RTF1: variants seen among roughly 807,000 people sequenced by gnomAD.
RTF1 encodes RNA polymerase-associated protein RTF1 homolog.
In RTF1, 10 loss-of-function variants were observed where a neutral mutation model predicts 95.7. That is an observed-to-expected ratio of 0.10 (90% confidence interval 0.06 to 0.18). The LOEUF is 0.18. Ranked by LOEUF, RTF1 falls within the 10% of genes least tolerant of loss-of-function variation. RTF1 has a pLI of 1.00. For missense variants in RTF1, 458 were observed against 875.6 expected (o/e 0.52, Z 6.02); for synonymous variants, 305 against 311.8 (o/e 0.98, Z 0.23).
chr15:41,463,150 T>TTAGTAG (rs1467306090), intron 4 of RTF1, among the ~76,000 whole-genome samples: 2 of 152,246 alleles, frequency 1.3e-5, no homozygotes, highest in Non-Finnish European at 2.9e-5. Context: ...TTAGCATGTA[T>TTAGTAG]TAGTACTTCA....
chr15:41,464,920 T>G, intron 5 of RTF1, 35 bp downstream of exon 5: 1 of 1,500,706 alleles, frequency 6.7e-7, no homozygotes. Context: ...GTCCAAAGAA[T>G]AAACCTGTTT....
chr15:41,436,189 C>T (rs560122789), intron 1 of RTF1, among the ~76,000 whole-genome samples: 16 of 151,316 alleles, frequency 1.1e-4, no homozygotes, highest in East Asian at 3.9e-4. Context: ...CAGTGGCTCA[C>T]GCCTGTAATC....
intron 4 of RTF1, among the ~76,000 whole-genome samples, chr15:41,460,381 C>T (rs575726069): frequency 6.6e-6 from 1 of 152,202 alleles, no homozygotes; most frequent in East Asian, 1.9e-4. Context: ...CCTCAGCCTC[C>T]CAAAGTGCTG....
chr15:41,428,428 C>G (rs1393823679), intron 1 of RTF1, among the ~76,000 whole-genome samples: 1 of 151,080 alleles, frequency 6.6e-6, no homozygotes, highest in African/African-American at 2.4e-5. Flanking sequence ...CCACTACACC[C>G]GGCTAATTTT....
intron 4 of RTF1, among the ~76,000 whole-genome samples, chr15:41,463,953 G>A (rs1269728204): frequency 6.6e-6 from 1 of 151,902 alleles, no homozygotes; most frequent in Non-Finnish European, 1.5e-5. Context: ...CTGGGTTCAA[G>A]CAATTCTTCT....
intron 1 of RTF1, among the ~76,000 whole-genome samples, chr15:41,429,120 A>G (rs2050655075): frequency 6.6e-6 from 1 of 151,820 alleles, no homozygotes; most frequent in South Asian, 2.1e-4. Flanking sequence ...GGCTCAAGGG[A>G]TCCTTCCTCC....
chr15:41,459,822 T>C (rs1365504357), intron 4 of RTF1, among the ~76,000 whole-genome samples: 1 of 152,206 alleles, frequency 6.6e-6, no homozygotes, highest in East Asian at 1.9e-4. Context: ...ATATTTTAAA[T>C]GGAAAAGTTT....
chr15:41,471,380 A>AGTATATTATAC (rs771575396), intron 8 of RTF1, 31 bp downstream of exon 8: 37 of 1,587,132 alleles, frequency 2.3e-5, no homozygotes, highest in Middle Eastern at 1.7e-4. Context: ...ACAATTGTCC[A>AGTATATTATAC]TGCTTTCAGT....
chr15:41,418,797 AAAAAG>A (rs1230757528), intron 1 of RTF1, among the ~76,000 whole-genome samples: 2 of 151,686 alleles, frequency 1.3e-5, no homozygotes, highest in Non-Finnish European at 2.9e-5. Flanking sequence ...AAAAAAAAAA[AAAAAG>A]AAAAGAAAGA....
chr15:41,439,613 T>C (rs993929404), intron 2 of RTF1, among the ~76,000 whole-genome samples: 1 of 152,194 alleles, frequency 6.6e-6, no homozygotes, highest in Admixed American at 6.5e-5. Context: ...GGGAAAGATA[T>C]TTGAAACACT....
intron 16 of RTF1, 91 bp downstream of exon 16, chr15:41,479,289 C>T (rs1489367976): frequency 2.4e-6 from 2 of 819,716 alleles, no homozygotes; most frequent in Admixed American, 2.2e-5. Flanking sequence ...TTGATTTTTC[C>T]ACCTTGAGGA....
intron 4 of RTF1, among the ~76,000 whole-genome samples, chr15:41,462,682 A>G (rs530162773): frequency 3.5e-4 from 54 of 152,170 alleles, no homozygotes; most frequent in South Asian, 1.0e-3. Context: ...ATTTCCCCAT[A>G]AGCCTCCCAG....
At chr15:41,474,790 T>G in intron 9 of RTF1, 88 bp downstream of exon 9, 2 of 950,938 alleles carry the variant, frequency 2.1e-6, no homozygotes, top group Non-Finnish European at 3.5e-6. Context: ...TGATGTTCCT[T>G]GTTACCATGA....
At chr15:41,442,185 T>G (rs2050739138) in intron 2 of RTF1, among the ~76,000 whole-genome samples, 1 of 151,396 alleles carries the variant, frequency 6.6e-6, no homozygotes, top group Non-Finnish European at 1.5e-5. Context: ...TTTTTTTTTT[T>G]GAGATGGAGT....
At chr15:41,479,594 C>G (rs1478955437) in intron 16 of RTF1, among the ~76,000 whole-genome samples, 1 of 152,176 alleles carries the variant, frequency 6.6e-6, no homozygotes, top group African/African-American at 2.4e-5. Flanking sequence ...GGCGCAGTGG[C>G]TCATGCCTGT....
At chr15:41,451,022 GTTC>G (rs1482215438) in intron 2 of RTF1, among the ~76,000 whole-genome samples, 1 of 152,030 alleles carries the variant, frequency 6.6e-6, no homozygotes, top group Non-Finnish European at 1.5e-5. Context: ...GCTGACTGTT[GTTC>G]TTAAGAATAG....
intron 1 of RTF1, among the ~76,000 whole-genome samples, chr15:41,428,832 T>C (rs929948412): frequency 6.6e-6 from 1 of 152,060 alleles, no homozygotes; most frequent in African/African-American, 2.4e-5. Context: ...CTCTGCCTCC[T>C]GGGCCCAACC....
chr15:41,436,310 A>G (rs8032691), intron 1 of RTF1, among the ~76,000 whole-genome samples: 2 of 147,678 alleles, frequency 1.4e-5, no homozygotes, highest in East Asian at 2.0e-4. Flanking sequence ...AAAAAAAAAA[A>G]TTAGCTGGGC....
Position 41,476,510 on chromosome 15 carries a change from T to C in RTF1, c.1547T>C (p.Leu516Pro). ...PPNYAMKKTQ[L>P]LKEKAMAEDL... ...AACTACGCTATGAAGAAGACTCAGC[T>C]ACTGAAGGAAAAGGTAAGGAGTTGT... The change falls in exon 12 of 18, where the codon CTA becomes CCA. Residue 516 changes from leucine (L) to proline (P), a missense_variant. Leu to Pro is a moderately conservative substitution (Grantham distance 98). Transcript: ENST00000389629. The C allele has an allele frequency of 6.2e-7, 1 of 1,613,556 alleles. No individual in the cohort carries two copies. Among genetic ancestry groups the C allele is most frequent in the Non-Finnish European group, 8.5e-7 (1 of 1,179,528 alleles).
Sources: allele counts gnomAD v4.1 joint callset (sites outside exome capture counted in the v4.1 genomes callset), GRCh38; gene constraint gnomAD v4.1.1; transcripts MANE v1.5; gene names NCBI Gene and HGNC (gene_info 2026-07-23, HGNC 2026-07-21).